NTN1: variants seen among roughly 807,000 people sequenced by gnomAD.
NTN1 encodes netrin-1.
In NTN1, 11 loss-of-function variants were observed where a neutral mutation model predicts 54.2. The observed-to-expected ratio is 0.20, with a 90% CI of 0.13 to 0.34. The LOEUF is 0.34. Ranked by LOEUF, NTN1 falls within the 10% of genes least tolerant of loss-of-function variation. The pLI is 1.00. For synonymous variants in NTN1, 371 were observed against 382.0 expected (o/e 0.97, Z 0.33); for missense variants, 740 against 893.1 (o/e 0.83, Z 2.18).
chr17:9,022,136 A>G (rs1344889092), intron 1 of NTN1, among the ~76,000 whole-genome samples, 175 bp from the exon 2 acceptor site: 4 of 151,838 alleles, frequency 2.6e-5, no homozygotes, highest in Non-Finnish European at 5.9e-5. Flanking sequence ...AGCGGTGCGG[A>G]CTTGGAGGGC....
chr17:9,108,240 A>G (rs1597490183), intron 2 of NTN1, among the ~76,000 whole-genome samples: 1 of 152,146 alleles, frequency 6.6e-6, no homozygotes, highest in South Asian at 2.1e-4. Context: ...TGCTCCCCAG[A>G]CAGATCACCA....
the NTN1 span, among the ~76,000 whole-genome samples, chr17:9,014,581 C>A: frequency 6.6e-6 from 1 of 152,204 alleles, no homozygotes; most frequent in East Asian, 1.9e-4. Context: ...GAACCAAGGC[C>A]TGTCCAAGTC....
intron 4 of NTN1, among the ~76,000 whole-genome samples, chr17:9,180,764 C>T (rs1239566950): frequency 6.6e-6 from 1 of 152,210 alleles, no homozygotes; most frequent in Non-Finnish European, 1.5e-5. Flanking sequence ...GCGTTCCGTA[C>T]AGCTGTTCGC....
chr17:9,074,558 C>G (rs1041032171), intron 2 of NTN1, among the ~76,000 whole-genome samples: 2 of 152,212 alleles, frequency 1.3e-5, no homozygotes, highest in Non-Finnish European at 2.9e-5. Context: ...TCACTCAACA[C>G]GCCCAAGTAG....
chr17:9,158,321 C>T (rs1485862967), intron 2 of NTN1, among the ~76,000 whole-genome samples: 1 of 152,166 alleles, frequency 6.6e-6, no homozygotes, highest in Non-Finnish European at 1.5e-5. Context: ...GCTGAGCTCC[C>T]AGAAGGGGCT....
At chr17:9,163,472 C>A (rs1374648214) in intron 3 of NTN1, among the ~76,000 whole-genome samples, 5 of 74,814 alleles carry the variant, frequency 6.7e-5, no homozygotes, top group East Asian at 1.4e-3. Flanking sequence ...CTCACTCCCC[C>A]CCGAAACACA....
At chr17:9,071,765 C>T (rs1042298863) in intron 2 of NTN1, among the ~76,000 whole-genome samples, 1 of 152,226 alleles carries the variant, frequency 6.6e-6, no homozygotes, top group Non-Finnish European at 1.5e-5. Context: ...TTTCCCTACA[C>T]CTTGGAAAGT....
At chr17:9,183,604 G>C (rs2092425447) in intron 5 of NTN1, 1 of 271,250 alleles carries the variant, frequency 3.7e-6, no homozygotes, top group African/African-American at 2.3e-5. Flanking sequence ...CAAAACGACA[G>C]AAGTTACTAG....
intron 3 of NTN1, among the ~76,000 whole-genome samples, chr17:9,178,510 G>A (rs1259741376): frequency 6.6e-6 from 1 of 152,250 alleles, no homozygotes; most frequent in Non-Finnish European, 1.5e-5. Context: ...AGGCCGGCTG[G>A]GCTGGGAGAG....
chr17:9,163,960 G>A lies in NTN1; in HGVS notation c.1207+959G>A, dbSNP rs115349308. Among the ~76,000 whole-genome samples, 923 of 152,380 alleles carry A rather than the reference G, an allele frequency of 6.1e-3. 12 individuals are homozygous for A. The highest frequency in any genetic ancestry group is 0.021 in the African/African-American group (884 of 41,594). On this transcript the variant is annotated intron_variant, in intron 3 of 6. Transcript: ENST00000173229. ...ATGGGTGGGGTCCTGACCTGGACTT[G>A]TGTAGACCCGAACACACCAGGGTCC...
In NTN1 at chr17:9,239,937, G is replaced by A; in HGVS notation, c.1784G>A (p.Arg595His). Residue 595 changes from arginine to histidine, a missense_variant, in exon 7 of 7, where the codon CGT (arginine) becomes CAT (histidine). Physicochemically the swap from Arg to His is conservative, Grantham distance 29. Transcript: ENST00000173229. The surrounding 1 kb of genome is among the most constrained non-coding windows in gnomAD (Gnocchi z 5.2). ...CGGCGGCTGCGCAAGTTCCAGCAGC[G>A]TGAGAAGAAGGGCAAGTGCAAGAAG... ...WARRLRKFQQREKKGKCKKA is the reference protein window; with the variant it reads ...WARRLRKFQQHEKKGKCKKA 7.4e-7 allele frequency: 1 copy of A among 1,356,484 alleles called. No homozygotes were observed. The highest frequency in any genetic ancestry group is 1.2e-5 in the South Asian group (1 of 85,282). 84.0% of individuals were successfully genotyped at this position (1,356,484 alleles called of 1,614,324 possible). A position where few individuals can be genotyped will look rare whatever the true frequency, so the allele number is the denominator to read the frequency against.
rs1014109733 is a variant in NTN1 at position 9,240,025 on chromosome 17, G to T, written c.*57G>T. 9 of 1,200,964 alleles carry T rather than the reference G, an allele frequency of 7.5e-6. No individual in the cohort carries two copies. Among genetic ancestry groups the T allele is most frequent in the East Asian group, 3.6e-5 (1 of 27,974 alleles). The allele number at this position is 1,200,964 out of a possible 1,614,324, so 74.4% of individuals were successfully genotyped here. A position where few individuals can be genotyped will look rare whatever the true frequency, so the allele number is the denominator to read the frequency against. The stretch of plus-strand genomic sequence containing the variant: ...CGCCAGGGCGGGGCCGAGCGAGAGC[G>T]GGCGCCTTGGCCCGGCCGCCGCGGA... On this transcript the variant is annotated 3_prime_UTR_variant, in exon 7 of 7. Coordinates refer to ENST00000173229, the MANE Select transcript of NTN1 (RefSeq NM_004822.3).
chr17:9,054,938 A>T (rs2091974357), intron 2 of NTN1, among the ~76,000 whole-genome samples: 1 of 152,220 alleles, frequency 6.6e-6, no homozygotes, highest in South Asian at 2.1e-4. Context: ...GGGCTAAACA[A>T]TAGCGGTTTT....
chr17:9,203,843 C>T (rs1904883717), intron 5 of NTN1, among the ~76,000 whole-genome samples: 1 of 151,960 alleles, frequency 6.6e-6, no homozygotes, highest in African/African-American at 2.4e-5. Context: ...AGAAAAAGAA[C>T]TGAGGACCAG....
At chr17:9,173,138 C>G (rs893088247) in intron 3 of NTN1, 3 of 152,324 alleles carry the variant, frequency 2.0e-5, no homozygotes, top group African/African-American at 4.8e-5. Context: ...ACTCCCTCCC[C>G]TCCCCTGGTC....
chr17:9,213,179 G>T (rs1294853385), intron 5 of NTN1, among the ~76,000 whole-genome samples: 1 of 152,234 alleles, frequency 6.6e-6, no homozygotes, highest in Admixed American at 6.5e-5. Context: ...GGATGGGCCT[G>T]CTGCGAGCCA....
At chr17:9,114,143 CAAAAAAAAAG>C (rs1173905591) in intron 2 of NTN1, among the ~76,000 whole-genome samples, 7 of 61,078 alleles carry the variant, frequency 1.1e-4, no homozygotes, top group South Asian at 9.1e-4. Flanking sequence ...GCCTGGGTGC[CAAAAAAAAAG>C]AAAAAAAAAA....
chr17:9,119,279 C>A (rs1188213985), intron 2 of NTN1, among the ~76,000 whole-genome samples: 1 of 152,050 alleles, frequency 6.6e-6, no homozygotes, highest in East Asian at 1.9e-4. Flanking sequence ...CCTCTGCCTC[C>A]CGGGTTCAAG....
In NTN1 at chr17:9,022,459, G is replaced by T. The variant is rs1354353462; in HGVS notation, c.86G>T (p.Ser29Ile). The change falls in exon 2 of 7, where the codon AGC becomes ATC. Residue 29 changes from serine to isoleucine, a missense_variant. Physicochemically the swap from Ser to Ile is moderately radical, Grantham distance 142. Transcript: ENST00000173229. Reference sequence around the variant, plus strand: ...GCGGTGCGCGGCGGGCCCGGGCTCAGCATGTTCGCGGGCCAGGCGGCGCAG... The same window carrying T: ...GCGGTGCGCGGCGGGCCCGGGCTCATCATGTTCGCGGGCCAGGCGGCGCAG... ...VGAVRGGPGL[S>I]MFAGQAAQPD... 2 of 1,515,202 alleles carry T rather than the reference G, an allele frequency of 1.3e-6. No individual in the cohort carries two copies. Among genetic ancestry groups the T allele is most frequent in the Non-Finnish European group, 1.8e-6 (2 of 1,137,544 alleles). The allele number at this position is 1,515,202 out of a possible 1,614,324, so 93.9% of individuals were successfully genotyped here.
Sources: allele counts gnomAD v4.1 joint callset (sites outside exome capture counted in the v4.1 genomes callset), GRCh38; gene constraint gnomAD v4.1.1; non-coding constraint Gnocchi (gnomAD v3.1); transcripts MANE v1.5; gene names NCBI Gene and HGNC (gene_info 2026-07-23, HGNC 2026-07-21).